Variants in TANC2 observed in about 807,000 individuals in gnomAD.
TANC2 encodes protein TANC2.
In TANC2, 26 loss-of-function variants were observed where a neutral mutation model predicts 210.5. The observed-to-expected ratio is 0.12, with a 90% confidence interval of 0.09 to 0.17. The LOEUF (loss-of-function observed/expected upper bound fraction) is 0.17, where lower values mean the gene tolerates loss of function less well. Ranked by LOEUF, TANC2 falls within the 10% of genes least tolerant of loss-of-function variation. TANC2 has a pLI of 1.00. For missense variants in TANC2, 2,129 were observed against 2,608.9 expected, an observed-to-expected ratio of 0.82 and a Z score of 4.01; for synonymous variants, 931 against 967.1, an observed-to-expected ratio of 0.96 and a Z score of 0.69.
In TANC2 at chr17:63,155,330, C is replaced by G. The variant is rs1442665636; in HGVS notation, c.433+3950C>G. The G allele has an allele frequency of 2.0e-5, 3 of 152,182 alleles. No homozygotes were observed. In the East Asian group the frequency reaches 5.8e-4, roughly 29 times the overall value. The allele number at this position is 152,182 out of a possible 1,614,324, so 9.4% of individuals were successfully genotyped here. ...GCAAAATAAACAAGACATTAGCACC[C>G]TTTCTGTTACTCATCATCATCATCA... On this transcript the variant is annotated intron_variant, in intron 5 of 27. Coordinates refer to ENST00000689528, the Ensembl canonical transcript of TANC2.
At chr17:63,128,073 T>A (rs544891325) in intron 4 of TANC2, among the ~76,000 whole-genome samples, 11 of 152,292 alleles carry the variant, frequency 7.2e-5, no homozygotes, top group African/African-American at 2.6e-4. Flanking sequence ...ATTATGTATA[T>A]GTTAGATACA....
intron 12 of TANC2, among the ~76,000 whole-genome samples, chr17:63,341,164 A>C (rs1479486673): frequency 2.0e-5 from 3 of 152,184 alleles, no homozygotes; most frequent in Admixed American, 2.0e-4. Context: ...CTAATAAGGA[A>C]AGATGGTTTA....
chr17:63,322,844 CAT>C (rs778131959), intron 11 of TANC2, among the ~76,000 whole-genome samples: 8 of 152,188 alleles, frequency 5.3e-5, no homozygotes, highest in Non-Finnish European at 1.0e-4. Context: ...GAAAACATTA[CAT>C]GTCATAAGTA....
At chr17:63,090,303 G>C (rs575607747) in intron 3 of TANC2, among the ~76,000 whole-genome samples, 1 of 150,016 alleles carries the variant, frequency 6.7e-6, no homozygotes, top group East Asian at 2.0e-4. Flanking sequence ...ATGTTGGTGT[G>C]CTGCACCCAT....
Position 63,276,962 on chromosome 17 carries a change from T to A in TANC2, c.1159+9089T>A, listed in dbSNP as rs558463677. Among the ~76,000 whole-genome samples, 171 of 152,300 alleles carry A rather than the reference T, an allele frequency of 1.1e-3. 2 individuals are homozygous for A. Among genetic ancestry groups the A allele is most frequent in the African/African-American group, 3.8e-3 (158 of 41,588 alleles). On this transcript the variant is annotated intron_variant, in intron 9 of 27. Transcript: ENST00000689528. Reference sequence around the variant, plus strand: ...CAGTACATTGGCTTATGGTAGATACTCTGTACTCTGCGGTATTGGAGATGG... The same window carrying A: ...CAGTACATTGGCTTATGGTAGATACACTGTACTCTGCGGTATTGGAGATGG...
chr17:63,238,885 C>A (rs2042695474), intron 8 of TANC2, among the ~76,000 whole-genome samples: 1 of 152,142 alleles, frequency 6.6e-6, no homozygotes. Flanking sequence ...ACCATCGGAT[C>A]TAATGAGAAC....
intron 2 of TANC2, among the ~76,000 whole-genome samples, chr17:63,063,727 T>G (rs1007996042): frequency 2.6e-5 from 4 of 151,524 alleles, no homozygotes; most frequent in South Asian, 2.1e-4. Flanking sequence ...AATATCACAC[T>G]TTGTTACCCA....
At chr17:63,095,152 G>A (rs918123185) in intron 3 of TANC2, among the ~76,000 whole-genome samples, 38 of 152,020 alleles carry the variant, frequency 2.5e-4, no homozygotes, top group African/African-American at 8.7e-4. Context: ...CCAGTGGAAT[G>A]TTAGTGAGCA....
At chr17:62,978,576 C>T (rs1237672314) in intron 1 of TANC2, 1 of 152,246 alleles carries the variant, frequency 6.6e-6, no homozygotes, top group African/African-American at 2.4e-5. Flanking sequence ...GGGAAAGAGA[C>T]TGGGATGGAT....
chr17:63,342,808 T>C (rs2046282265), intron 12 of TANC2, among the ~76,000 whole-genome samples: 1 of 152,192 alleles, frequency 6.6e-6, no homozygotes, highest in African/African-American at 2.4e-5. Context: ...ATCCAAATGC[T>C]TGCAGTCAGC....
chr17:63,286,102 T>A (rs73325719), intron 9 of TANC2, among the ~76,000 whole-genome samples: 3,203 of 152,304 alleles, frequency 0.021, 105 homozygotes, highest in African/African-American at 0.072. Context: ...AAATGTTATA[T>A]ACCCCACAAT....
chr17:63,126,527 G>C (rs2038715256), intron 4 of TANC2, among the ~76,000 whole-genome samples: 1 of 152,088 alleles, frequency 6.6e-6, no homozygotes, highest in Non-Finnish European at 1.5e-5. Flanking sequence ...TCCTGCCTCA[G>C]CCTCCCAAGT....
intron 3 of TANC2, among the ~76,000 whole-genome samples, chr17:63,085,260 C>A (rs911293819): frequency 6.6e-6 from 1 of 151,942 alleles, no homozygotes. Context: ...GTTTTTTTGA[C>A]CCATTGTTAC....
intron 8 of TANC2, among the ~76,000 whole-genome samples, chr17:63,250,282 GTATTTATTTATT>G (rs372173982): frequency 9.3e-5 from 14 of 150,664 alleles, no homozygotes; most frequent in East Asian, 3.9e-4. Context: ...AAATATTATA[GTATTTATTTATT>G]TATTTATTTA....
At chr17:63,061,335 C>T (rs1598336047) in intron 2 of TANC2, among the ~76,000 whole-genome samples, 1 of 151,370 alleles carries the variant, frequency 6.6e-6, no homozygotes, top group East Asian at 1.9e-4. Context: ...CCATTGCTCT[C>T]CAGCCTGGGT....
chr17:63,354,679 G>T, intron 13 of TANC2, 104 bp from the exon 14 acceptor site: 6 of 1,421,830 alleles, frequency 4.2e-6, no homozygotes, highest in Non-Finnish European at 4.7e-6. Context: ...TCCCTGTTTG[G>T]CCACTTCGAA....
chr17:63,326,461 G>A lies in TANC2; in HGVS notation c.1575+7371G>A, dbSNP rs1160520680. On this transcript the variant is annotated intron_variant, in intron 11 of 27. Transcript: ENST00000689528. The stretch of plus-strand genomic sequence containing the variant: ...TCTCTTTAACCTTGGTGAAGAGAAA[G>A]GCTTTCTAGGATCTAAAGCTAGAGG... Among the ~76,000 whole-genome samples the A allele has an allele frequency of 2.2e-4, 34 of 152,196 alleles. No homozygotes were observed. The East Asian group carries it at 6.4e-3, about 28-fold the overall frequency.
At chr17:63,084,656 C>T (rs1391484360) in intron 3 of TANC2, among the ~76,000 whole-genome samples, 2 of 152,028 alleles carry the variant, frequency 1.3e-5, no homozygotes, top group African/African-American at 4.8e-5. Flanking sequence ...TCTATCACTG[C>T]ATCCCGCAGA....
At chr17:63,374,014 A>G (rs1455443640) in intron 14 of TANC2, among the ~76,000 whole-genome samples, 5 of 119,692 alleles carry the variant, frequency 4.2e-5, no homozygotes, top group Non-Finnish European at 8.7e-5. Flanking sequence ...AAGTATTTTG[A>G]TTTTTCAGTT....
Sources: allele counts gnomAD v4.1 joint callset (sites outside exome capture counted in the v4.1 genomes callset), GRCh38; gene constraint gnomAD v4.1.1; transcripts MANE v1.5; gene names NCBI Gene and HGNC (gene_info 2026-07-23, HGNC 2026-07-21).